Variants in TRIM55 observed in about 807,000 individuals in gnomAD.
TRIM55 encodes the protein tripartite motif containing 55, also known as tripartite motif-containing protein 55.
TRIM55 carries 50 observed loss-of-function variants against 60.9 expected under a neutral mutation model. The ratio of observed to expected loss-of-function variants is 0.82; its 90% CI spans 0.65 to 1.04. The LOEUF (loss-of-function observed/expected upper bound fraction) is 1.04, where lower values mean the gene tolerates loss of function less well. Among genes scored for constraint, TRIM55 ranks in the 50% least tolerant of loss-of-function variants. The pLI, the probability that TRIM55 is intolerant of heterozygous loss-of-function variation, is 0.00. For synonymous variants in TRIM55, 237 were observed against 238.1 expected (o/e 1.00, Z 0.04); for missense variants, 681 against 666.9 (o/e 1.02, Z -0.23).
Position 66,174,574 on chromosome 8 carries a change from T to A in TRIM55, c.1628T>A (p.Leu543Ter). The change falls in exon 10 of 10, where the codon TTG becomes TAG. Residue 543 changes from leucine (L) to a stop codon, truncating the protein, a stop_gained. Transcript: ENST00000315962. LOFTEE classifies it high-confidence loss of function. Reference protein sequence around the residue: ...PARHIFSFSWLNSLNE With the variant: ...PARHIFSFSW ...CGCCATATCTTCTCCTTTTCCTGGT[T>A]GAACTCCCTAAATGAATGATATTCA... 1 of 1,603,458 alleles carries A rather than the reference T, an allele frequency of 6.2e-7. No homozygotes were observed. The highest frequency in any genetic ancestry group is 8.5e-7 in the Non-Finnish European group (1 of 1,176,366).
chr8:66,135,219 G>A (rs1422821412), intron 3 of TRIM55, 64 bp downstream of exon 3: 3 of 1,583,886 alleles, frequency 1.9e-6, no homozygotes, highest in Non-Finnish European at 2.6e-6. Flanking sequence ...GGCCTTCCTG[G>A]GGCCAGTGTG....
the TRIM55 span, chr8:66,113,494 C>T: frequency 6.6e-6 from 3 of 456,074 alleles, no homozygotes; most frequent in Admixed American, 4.7e-5. Context: ...CTCCCGATGA[C>T]TTATGGCACT....
At chr8:66,127,509 C>A in intron 1 of TRIM55, 73 bp downstream of exon 1, 1 of 1,543,400 alleles carries the variant, frequency 6.5e-7, no homozygotes, top group Non-Finnish European at 8.9e-7. Context: ...AAGTGCTTAA[C>A]ATTGAGGTGA....
rs1429625823 is a variant in TRIM55, at chr8:66,134,938, GA to G, written c.342-51del. The G allele has an allele frequency of 6.3e-6, 10 of 1,589,370 alleles. No individual in the cohort carries two copies. The African/African-American group carries it at 9.4e-5, about 15-fold the overall frequency. On this transcript the variant is annotated intron_variant, in intron 2 of 9. Transcript: ENST00000315962. The stretch of plus-strand genomic sequence containing the variant: ...AGAGCAACATCAGCTCTGCCTTGAT[GA>G]GATTGCCCCAGTGAGAGCTGATGGA...
Position 66,152,377 on chromosome 8 carries a change from A to G in TRIM55, c.986A>G (p.Glu329Gly), listed in dbSNP as rs1474047527. 1 of 1,579,702 alleles carries G rather than the reference A, an allele frequency of 6.3e-7. No individual in the cohort carries two copies. The change falls in exon 8 of 10, where the codon GAA (glutamate) becomes GGA (glycine). Residue 329 changes from glutamate (E) to glycine (G), a missense_variant and splice_region_variant. Transcript: ENST00000315962. ...TTTACAAGATACCTTACCTTACCAG[A>G]AGATGAAGATGAAGAAGAAGAAGAA... is the stretch of plus-strand genomic sequence containing the variant. Reference protein sequence around the residue: ...KIIREIDFYREDEDEEEEEGG... With the variant: ...KIIREIDFYRGDEDEEEEEGG...
At chr8:66,120,839 T>C in the TRIM55 span, among the ~76,000 whole-genome samples, 2 of 152,362 alleles carry the variant, frequency 1.3e-5, no homozygotes, top group Non-Finnish European at 2.9e-5. Context: ...CTGTGAGTCA[T>C]TCTACCAAAC....
rs1220603504 is a variant in TRIM55, at chr8:66,174,865, A to C, written c.*272A>C. ...GTGGAAAATGTTGTGAAGGGTGTGTAGGTGTGGTACATGTGTATGTCACTA... is the reference window on the plus strand; with the variant it reads ...GTGGAAAATGTTGTGAAGGGTGTGTCGGTGTGGTACATGTGTATGTCACTA... On this transcript the variant is annotated 3_prime_UTR_variant, in exon 10 of 10. Coordinates refer to ENST00000315962, the MANE Select transcript of TRIM55 (RefSeq NM_184085.2). 4.1e-6 allele frequency: 1 copy of C among 243,396 alleles called. No homozygotes were observed. Among genetic ancestry groups the C allele is most frequent in the African/African-American group, 2.3e-5 (1 of 42,942 alleles). 15.1% of individuals were successfully genotyped at this position (243,396 alleles called of 1,614,324 possible). A position where few individuals can be genotyped will look rare whatever the true frequency, so the allele number is the denominator to read the frequency against.
intron 9 of TRIM55, among the ~76,000 whole-genome samples, chr8:66,162,041 T>C (rs1439618525): frequency 6.6e-6 from 1 of 152,052 alleles, no homozygotes; most frequent in Non-Finnish European, 1.5e-5. Flanking sequence ...CTGGCTAGGA[T>C]TTCCAGTACT....
chr8:66,116,777 A>C, the TRIM55 span, among the ~76,000 whole-genome samples: 1 of 151,906 alleles, frequency 6.6e-6, no homozygotes, highest in Non-Finnish European at 1.5e-5. Context: ...TTTTCCAAAA[A>C]AACTGATGAA....
At chr8:66,121,520 T>G in the TRIM55 span, among the ~76,000 whole-genome samples, 5 of 152,236 alleles carry the variant, frequency 3.3e-5, no homozygotes, top group Non-Finnish European at 7.3e-5. Context: ...ACCTAAAGAT[T>G]TCTTGTACAT....
intron 9 of TRIM55, among the ~76,000 whole-genome samples, chr8:66,173,862 A>G (rs898824870): frequency 1.3e-5 from 2 of 152,184 alleles, no homozygotes; most frequent in African/African-American, 4.8e-5. Flanking sequence ...ACATGCTTAT[A>G]TTGGATTTGA....
At chr8:66,122,313 A>G (rs1808662055), upstream of TRIM55, among the ~76,000 whole-genome samples, 1 of 151,938 alleles carries the variant, frequency 6.6e-6, no homozygotes, top group South Asian at 2.1e-4. Flanking sequence ...GAATGCAACC[A>G]TTTGTCTCTT....
intron 3 of TRIM55, among the ~76,000 whole-genome samples, chr8:66,136,679 T>C (rs1809498319): frequency 6.6e-6 from 1 of 152,278 alleles, no homozygotes; most frequent in Non-Finnish European, 1.5e-5. Context: ...TTTGTGTCTG[T>C]ATACACTATA....
At chr8:66,121,529 A>G in the TRIM55 span, among the ~76,000 whole-genome samples, 3 of 151,596 alleles carry the variant, frequency 2.0e-5, no homozygotes, top group African/African-American at 4.9e-5. Context: ...TTTCTTGTAC[A>G]TAGTGAACTG....
chr8:66,131,641 A>C (rs952304456), intron 2 of TRIM55, among the ~76,000 whole-genome samples: 3 of 152,132 alleles, frequency 2.0e-5, no homozygotes, highest in Non-Finnish European at 2.9e-5. Context: ...AATCTCTTAA[A>C]ACATGCACAA....
intron 9 of TRIM55, among the ~76,000 whole-genome samples, chr8:66,156,977 A>G (rs922502522): frequency 1.4e-4 from 21 of 152,230 alleles, no homozygotes; most frequent in African/African-American, 4.8e-4. Flanking sequence ...AGAGGGGTGA[A>G]TGGTGAGAGA....
At chr8:66,161,694 CA>C (rs139380067) in intron 9 of TRIM55, among the ~76,000 whole-genome samples, 7,796 of 150,124 alleles carry the variant, frequency 0.052, 615 homozygotes, top group African/African-American at 0.17. Context: ...TTTCTTTCCA[CA>C]GTGTTTTGTA....
At position 66,150,373 on chromosome 8, in the gene TRIM55, GA is replaced by G; in HGVS notation, c.893del (p.Glu298GlyfsTer3). ...GGAAGCATCAAAGGCATTTCAGATG[GA>G]GAAAATAGAACATGGCTATGAGAAC... is the stretch of plus-strand genomic sequence containing the variant. ...ISEASKAFQM[E>X]KIEHGYENMN... On this transcript the variant is annotated frameshift_variant, in exon 7 of 10. Transcript: ENST00000315962. LOFTEE classifies it high-confidence loss of function. 2 of 1,614,130 alleles carry G rather than the reference GA, an allele frequency of 1.2e-6. No individual in the cohort carries two copies. Among genetic ancestry groups the G allele is most frequent in the Non-Finnish European group, 1.7e-6 (2 of 1,180,026 alleles).
chr8:66,164,946 G>C (rs1265274565), intron 9 of TRIM55, among the ~76,000 whole-genome samples: 1 of 95,650 alleles, frequency 1.0e-5, no homozygotes, highest in Non-Finnish European at 1.8e-5. Flanking sequence ...AGGAAGGAAG[G>C]AAGGAAGGAA....
Sources: allele counts gnomAD v4.1 joint callset (sites outside exome capture counted in the v4.1 genomes callset), GRCh38; gene constraint gnomAD v4.1.1; transcripts MANE v1.5; gene names NCBI Gene and HGNC (gene_info 2026-07-23, HGNC 2026-07-21).